Variants in XYLT1 observed in about 807,000 individuals in gnomAD.
XYLT1 encodes the protein xylosyltransferase 1, also known as beta-D-xylosyltransferase 1.
In XYLT1, 36 loss-of-function variants were observed where a neutral mutation model predicts 91.3. That is an observed-to-expected ratio of 0.39 (90% CI 0.30 to 0.52). XYLT1 has a LOEUF of 0.52. Ranked by LOEUF, XYLT1 falls within the 20% of genes least tolerant of loss-of-function variation. The pLI, the probability that XYLT1 is intolerant of heterozygous loss-of-function variation, is 0.68. For missense variants in XYLT1, 1,242 were observed against 1,284.5 expected (o/e 0.97, Z 0.51); for synonymous variants, 588 against 532.0 (o/e 1.11, Z -1.45).
chr16:17,294,394 A>G (rs2034280699), intron 2 of XYLT1, among the ~76,000 whole-genome samples: 1 of 152,188 alleles, frequency 6.6e-6, no homozygotes, highest in Non-Finnish European at 1.5e-5. Context: ...TTACTGCTCG[A>G]AAGTACAAAA....
At chr16:17,293,796 C>A (rs1398457507) in intron 2 of XYLT1, among the ~76,000 whole-genome samples, 1 of 152,144 alleles carries the variant, frequency 6.6e-6, no homozygotes, top group East Asian at 1.9e-4. Flanking sequence ...GCCAGAATCT[C>A]TCTCTTAAGA....
chr16:17,131,707 AT>A (rs1158629275), intron 9 of XYLT1, among the ~76,000 whole-genome samples: 1 of 152,222 alleles, frequency 6.6e-6, no homozygotes, highest in Non-Finnish European at 1.5e-5. Context: ...AGAAAAAAAA[AT>A]CAATAAACAT....
chr16:17,198,011 A>G, intron 5 of XYLT1: 1 of 635,276 alleles, frequency 1.6e-6, no homozygotes. Flanking sequence ...AGCTGGGAAA[A>G]CCACGTGCTC....
At chr16:17,262,146 T>C (rs924281594) in intron 2 of XYLT1, among the ~76,000 whole-genome samples, 6 of 152,314 alleles carry the variant, frequency 3.9e-5, no homozygotes, top group African/African-American at 1.4e-4. Flanking sequence ...CAATTGGATG[T>C]ATTTATCTTG....
chr16:17,113,973 C>T (rs1267998280), intron 11 of XYLT1, among the ~76,000 whole-genome samples: 1 of 151,118 alleles, frequency 6.6e-6, no homozygotes, highest in African/African-American at 2.4e-5. Flanking sequence ...GCCATGGGGA[C>T]AGATTCATCC....
chr16:17,295,702 T>C (rs1050411187), intron 2 of XYLT1, among the ~76,000 whole-genome samples: 1 of 152,146 alleles, frequency 6.6e-6, no homozygotes, highest in Non-Finnish European at 1.5e-5. Flanking sequence ...ACAGGGGACA[T>C]CTTGCCATGT....
chr16:17,418,307 G>A (rs1388458911), intron 1 of XYLT1, among the ~76,000 whole-genome samples: 4 of 152,224 alleles, frequency 2.6e-5, no homozygotes, highest in Non-Finnish European at 5.9e-5. Context: ...AAAGAATGTA[G>A]TGTGTGAAAA....
intron 1 of XYLT1, among the ~76,000 whole-genome samples, chr16:17,468,187 G>A (rs2036925213): frequency 6.6e-6 from 1 of 152,140 alleles, no homozygotes; most frequent in Non-Finnish European, 1.5e-5. Context: ...AGTCAGAGTA[G>A]GACAGACCCC....
chr16:17,374,325 G>A (rs886273171), intron 1 of XYLT1, among the ~76,000 whole-genome samples: 2 of 152,158 alleles, frequency 1.3e-5, no homozygotes, highest in Admixed American at 6.5e-5. Flanking sequence ...GTGCTAGGAA[G>A]GAGCTTGAGT....
intron 9 of XYLT1, among the ~76,000 whole-genome samples, chr16:17,129,141 G>A (rs902624527): frequency 1.3e-5 from 2 of 150,572 alleles, no homozygotes; most frequent in African/African-American, 4.9e-5. Flanking sequence ...CACCGTTCAT[G>A]CAAACCTGTT....
Position 17,240,845 on chromosome 16 carries a change from G to A in XYLT1, c.913+18143C>T, listed in dbSNP as rs550635491. Reference sequence around the variant, plus strand: ...CTATCATTAGCCCCATTTTAGAGACGGGGAAAAATGAGGCACACAGAGGTT... The same window carrying A: ...CTATCATTAGCCCCATTTTAGAGACAGGGAAAAATGAGGCACACAGAGGTT... On this transcript the variant is annotated intron_variant, in intron 3 of 11. Coordinates refer to ENST00000261381, the MANE Select transcript of XYLT1 (RefSeq NM_022166.4). Among the ~76,000 whole-genome samples, 12 of 152,240 alleles carry A rather than the reference G, an allele frequency of 7.9e-5. No individual in the cohort carries two copies. The South Asian group carries it at 1.9e-3, about 24-fold the overall frequency.
intron 2 of XYLT1, among the ~76,000 whole-genome samples, chr16:17,261,241 CAAAAAAAAAAAA>C (rs10573500): frequency 1.0e-5 from 1 of 96,446 alleles, no homozygotes; most frequent in South Asian, 3.7e-4. Flanking sequence ...AACTGGCTCT[CAAAAAAAAAAAA>C]AAAAAAAAAA....
At chr16:17,171,464 G>C (rs1175671751) in intron 5 of XYLT1, among the ~76,000 whole-genome samples, 5 of 152,248 alleles carry the variant, frequency 3.3e-5, no homozygotes, top group Non-Finnish European at 5.9e-5. Context: ...TGTGGTTTCT[G>C]CAACACAGAG....
chr16:17,377,459 T>C (rs2035617586), intron 1 of XYLT1, among the ~76,000 whole-genome samples: 1 of 152,114 alleles, frequency 6.6e-6, no homozygotes, highest in Non-Finnish European at 1.5e-5. Context: ...AGGCTCTTTG[T>C]TTGGCGGGAC....
chr16:17,319,319 C>A (rs966192996), intron 2 of XYLT1, among the ~76,000 whole-genome samples: 2 of 152,164 alleles, frequency 1.3e-5, no homozygotes, highest in Non-Finnish European at 2.9e-5. Flanking sequence ...CAGCACAGTA[C>A]CTTGCCTGAG....
At chr16:17,421,358 CT>C (rs1412489616) in intron 1 of XYLT1, among the ~76,000 whole-genome samples, 2 of 152,228 alleles carry the variant, frequency 1.3e-5, no homozygotes, top group East Asian at 3.8e-4. Context: ...TGCAAGGTGA[CT>C]TTGCCACCCC....
At chr16:17,129,241 C>T (rs1332254906) in intron 9 of XYLT1, among the ~76,000 whole-genome samples, 1 of 152,082 alleles carries the variant, frequency 6.6e-6, no homozygotes, top group African/African-American at 2.4e-5. Context: ...TCACATAAAA[C>T]CTCCTGCGAT....
intron 2 of XYLT1, among the ~76,000 whole-genome samples, chr16:17,357,172 C>CAA (rs1168668915): frequency 0.071 from 2,935 of 41,578 alleles, 952 homozygotes; most frequent in Non-Finnish European, 0.099. Context: ...GACTCGGTCT[C>CAA]AAAAAAAAAA....
At position 17,259,172 on chromosome 16, in the gene XYLT1, C is replaced by T; in HGVS notation, c.729G>A (p.Gly243=). 1.3e-6 allele frequency: 2 copies of T among 1,599,398 alleles called. No individual in the cohort carries two copies. The highest frequency in any genetic ancestry group is 2.2e-5 in the East Asian group (1 of 44,620). The change falls in exon 3 of 12, where the codon GGG becomes GGA. Residue 243 remains glycine (G), a synonymous_variant. Coordinates refer to ENST00000261381, the MANE Select transcript of XYLT1 (RefSeq NM_022166.4). The part of the protein sequence containing the change: ...VSRPPHARKT[G]GSSPETKYDQ... ...CATACTTGGTCTCGGGGGAGCTGCC[C>T]CCAGTTTTCCTGGCATGAGGCGGTC...
Sources: allele counts gnomAD v4.1 joint callset (sites outside exome capture counted in the v4.1 genomes callset), GRCh38; gene constraint gnomAD v4.1.1; transcripts MANE v1.5; gene names NCBI Gene and HGNC (gene_info 2026-07-23, HGNC 2026-07-21).